TM9SF4: variants seen among roughly 807,000 people sequenced by gnomAD.
TM9SF4 encodes transmembrane 9 superfamily member 4.
Under a neutral mutation model 90.4 loss-of-function variants are expected in TM9SF4, and 26 were observed. That is an observed-to-expected ratio of 0.29 (90% CI 0.21 to 0.40). The LOEUF (loss-of-function observed/expected upper bound fraction) is 0.40. Among genes scored for constraint, TM9SF4 ranks in the 10% least tolerant of loss-of-function variants. The pLI is 1.00. For missense variants in TM9SF4, 549 were observed against 834.8 expected (o/e 0.66, Z 4.22); for synonymous variants, 293 against 315.4 (o/e 0.93, Z 0.75).
At chr20:32,142,199 C>T (rs1484577239) in intron 5 of TM9SF4, among the ~76,000 whole-genome samples, 1 of 152,034 alleles carries the variant, frequency 6.6e-6, no homozygotes, top group Non-Finnish European at 1.5e-5. Context: ...AGCGTGCAGG[C>T]TCCCTGGGTT....
chr20:32,147,433 A>G (rs2046779375), intron 9 of TM9SF4, among the ~76,000 whole-genome samples: 1 of 152,264 alleles, frequency 6.6e-6, no homozygotes, highest in Admixed American at 6.5e-5. Flanking sequence ...TAAAAATTGT[A>G]AAACTATTCT....
chr20:32,134,885 C>G (rs1180801427), intron 2 of TM9SF4, among the ~76,000 whole-genome samples: 1 of 152,062 alleles, frequency 6.6e-6, no homozygotes, highest in Non-Finnish European at 1.5e-5. Context: ...GTTGGCCAGG[C>G]TGGTCTCAAA....
chr20:32,117,803 T>G (rs1309217623), intron 1 of TM9SF4, among the ~76,000 whole-genome samples: 7 of 152,178 alleles, frequency 4.6e-5, no homozygotes, highest in Non-Finnish European at 1.0e-4. Flanking sequence ...ATGCTGCCTT[T>G]GAGGTCTCTT....
chr20:32,141,216 CAA>C (rs71185383), intron 3 of TM9SF4, among the ~76,000 whole-genome samples: 11 of 26,008 alleles, frequency 4.2e-4, no homozygotes, highest in Middle Eastern at 0.019. Flanking sequence ...GACTCCATCT[CAA>C]AAAAAAAAAA....
chr20:32,142,939 C>T, intron 5 of TM9SF4, 43 bp from the exon 6 acceptor site: 3 of 1,607,100 alleles, frequency 1.9e-6, no homozygotes, highest in Non-Finnish European at 2.6e-6. Context: ...GAGAGTATCC[C>T]TAAGTGATGT....
chr20:32,116,823 CCTTTTT>C (rs2046230122), intron 1 of TM9SF4, among the ~76,000 whole-genome samples: 1 of 143,150 alleles, frequency 7.0e-6, no homozygotes. Flanking sequence ...GTGCCCAAAG[CCTTTTT>C]CTTTTTTTTT....
chr20:32,122,227 C>T (rs373273947), intron 1 of TM9SF4, among the ~76,000 whole-genome samples: 1,133 of 89,054 alleles, frequency 0.013, 39 homozygotes, highest in Admixed American at 0.1. Flanking sequence ...ACCTCCCTCC[C>T]GGACGGGGCG....
chr20:32,125,805 G>A (rs1487385625), intron 1 of TM9SF4, among the ~76,000 whole-genome samples: 1 of 150,288 alleles, frequency 6.7e-6, no homozygotes, highest in Non-Finnish European at 1.5e-5. Context: ...AGTAGCTGGG[G>A]CTACAGGCAC....
At chr20:32,160,949 C>CAAAAAAAAAA (rs34767421) in intron 16 of TM9SF4, 1 of 41,614 alleles carries the variant, frequency 2.4e-5, no homozygotes, top group Non-Finnish European at 4.5e-5. Flanking sequence ...GACTCCATCT[C>CAAAAAAAAAA]AAAAAAAAAA....
intron 3 of TM9SF4, chr20:32,137,030 C>A (rs1195004737): frequency 2.2e-6 from 1 of 462,556 alleles, no homozygotes; most frequent in East Asian, 6.9e-5. Context: ...TGGAGGCAGG[C>A]CTTGGAGCCA....
chr20:32,120,990 A>G (rs2046297026), intron 1 of TM9SF4, among the ~76,000 whole-genome samples: 1 of 152,178 alleles, frequency 6.6e-6, no homozygotes, highest in Admixed American at 6.5e-5. Context: ...CTTGGTCATG[A>G]TGTATAAACC....
In TM9SF4 at chr20:32,165,327, C is replaced by T; in HGVS notation, c.1812C>T (p.Leu604=). 6.2e-7 allele frequency: 1 copy of T among 1,614,210 alleles called. No homozygotes were observed. Among genetic ancestry groups the T allele is most frequent in the Non-Finnish European group, 8.5e-7 (1 of 1,180,042 alleles). The part of the protein sequence containing the change: ...LDIVEFIPSL[L]YFGYTALMVL... ...TCGTGGAGTTCATCCCCTCTCTCCT[C>T]TACTTTGGCTACACGGCCCTCATGG... The change falls in exon 18 of 18, where the codon CTC becomes CTT. Residue 604 remains leucine, a synonymous_variant. Transcript: ENST00000398022.
chr20:32,113,021 C>T (rs941166362), intron 1 of TM9SF4, among the ~76,000 whole-genome samples: 12 of 152,172 alleles, frequency 7.9e-5, no homozygotes, highest in Admixed American at 7.9e-4. Flanking sequence ...AGTCCCCACA[C>T]CCTCATACAC....
chr20:32,114,613 G>A (rs1160451427), intron 1 of TM9SF4, among the ~76,000 whole-genome samples: 2 of 152,210 alleles, frequency 1.3e-5, no homozygotes, highest in Non-Finnish European at 2.9e-5. Flanking sequence ...GATTACAGGT[G>A]TGAGTCACTG....
chr20:32,160,406 G>A (rs1177835064), intron 16 of TM9SF4, among the ~76,000 whole-genome samples: 1 of 152,166 alleles, frequency 6.6e-6, no homozygotes, highest in Non-Finnish European at 1.5e-5. Flanking sequence ...TCTTCAACAG[G>A]CTGATGCACA....
At chr20:32,132,564 G>A (rs932180517) in intron 1 of TM9SF4, among the ~76,000 whole-genome samples, 6 of 152,154 alleles carry the variant, frequency 3.9e-5, no homozygotes, top group African/African-American at 1.2e-4. Flanking sequence ...AGGTGAGAGA[G>A]GCCAGCACGG....
intron 1 of TM9SF4, among the ~76,000 whole-genome samples, chr20:32,127,370 T>C (rs2046437981): frequency 6.6e-6 from 1 of 152,176 alleles, no homozygotes; most frequent in Admixed American, 6.5e-5. Context: ...TCTGGCTGGA[T>C]GGGCAAGTTA....
At chr20:32,131,516 GTTGGTTGC>G (rs2046512648) in intron 1 of TM9SF4, among the ~76,000 whole-genome samples, 1 of 148,360 alleles carries the variant, frequency 6.7e-6, no homozygotes, top group Admixed American at 6.8e-5. Context: ...GTGTTGGTTA[GTTGGTTGC>G]TTGGTTGGTT....
chr20:32,141,960 G>A (rs2046687842), intron 5 of TM9SF4, 65 bp downstream of exon 5: 5 of 1,600,484 alleles, frequency 3.1e-6, no homozygotes, highest in African/African-American at 1.3e-5. Flanking sequence ...AGCACTTGGG[G>A]CCACAGAAAA....
Sources: gnomAD v4.1 joint callset for allele counts (sites outside exome capture counted in the v4.1 genomes callset) on GRCh38, gnomAD v4.1.1 for gene constraint, MANE v1.5 for transcripts, NCBI Gene and HGNC (gene_info 2026-07-23, HGNC 2026-07-21) for gene names.